Variants in CLPTM1L observed in about 807,000 individuals in gnomAD.
CLPTM1L encodes lipid scramblase CLPTM1L.
In CLPTM1L, 38 loss-of-function variants were observed where a neutral mutation model predicts 70.9. The observed-to-expected ratio is 0.54, with a 90% CI of 0.41 to 0.70. The LOEUF (loss-of-function observed/expected upper bound fraction) is 0.70, where lower values mean the gene tolerates loss of function less well. Among genes scored for constraint, CLPTM1L ranks in the 30% least tolerant of loss-of-function variants. The probability of loss-of-function intolerance (pLI) is 0.00; values close to 1 mark genes in which losing one functional copy is unlikely to be tolerated. For missense variants in CLPTM1L, 652 were observed against 705.9 expected (o/e 0.92, Z 0.87); for synonymous variants, 339 against 299.9 (o/e 1.13, Z -1.35).
chr5:1,328,856 T>TCCAGCTCCTCCTCTACAGACACATTC (rs1561237419), intron 9 of CLPTM1L, among the ~76,000 whole-genome samples: 1 of 143,568 alleles, frequency 7.0e-6, no homozygotes, highest in Admixed American at 7.7e-5. Flanking sequence ...CAGACACATT[T>TCCAGCTCCTCCTCTACAGACACATTC]CATCCAGCTC....
chr5:1,333,662 G>GATGAGGACAAGCGGGAA (rs1561244394), intron 7 of CLPTM1L, among the ~76,000 whole-genome samples: 72 of 97,062 alleles, frequency 7.4e-4, no homozygotes, highest in Admixed American at 9.6e-4. Flanking sequence ...ATACACACCG[G>GATGAGGACAAGCGGGAA]CTGAGGATAA....
chr5:1,319,651 C>G (rs2126715610), intron 16 of CLPTM1L, among the ~76,000 whole-genome samples: 1 of 152,326 alleles, frequency 6.6e-6, no homozygotes, highest in East Asian at 1.9e-4. Context: ...GCCCCAGGCC[C>G]TGAGGGAAGG....
intron 8 of CLPTM1L, chr5:1,330,606 C>T (rs1753023253): frequency 1.9e-6 from 1 of 539,488 alleles, no homozygotes; most frequent in Non-Finnish European, 3.3e-6. Context: ...CCCACACCAG[C>T]TCCACAAACA....
chr5:1,324,538 C>G (rs1481575783), intron 11 of CLPTM1L, among the ~76,000 whole-genome samples: 1 of 152,250 alleles, frequency 6.6e-6, no homozygotes, highest in Non-Finnish European at 1.5e-5. Flanking sequence ...TACGGTGACA[C>G]AGGCAGGCTG....
At chr5:1,332,278 C>T (rs10036860) in intron 7 of CLPTM1L, 5,245 of 192,022 alleles carry the variant, frequency 0.027, 313 homozygotes, top group African/African-American at 0.12. Context: ...GTGGCCCATG[C>T]CTGTGATCCC....
At chr5:1,326,902 G>GACACATTTCATCCAGCTCCTCCTCTACA (rs1752615604) in intron 9 of CLPTM1L, among the ~76,000 whole-genome samples, 2 of 71,680 alleles carry the variant, frequency 2.8e-5, no homozygotes, top group Admixed American at 1.5e-4. Flanking sequence ...CCTCCTCTAC[G>GACACATTTCATCCAGCTCCTCCTCTACA]GACACATTTC....
At chr5:1,321,119 A>G (rs1311611705) in intron 15 of CLPTM1L, among the ~76,000 whole-genome samples, 1 of 152,194 alleles carries the variant, frequency 6.6e-6, no homozygotes, top group Non-Finnish European at 1.5e-5. Flanking sequence ...GAGCCACCTG[A>G]GCATTGCCCT....
At position 1,330,307 on chromosome 5, in the gene CLPTM1L, G is replaced by A; in HGVS notation, c.1053C>T (p.Val351=). 1.2e-6 allele frequency: 2 copies of A among 1,612,822 alleles called. No homozygotes were observed. Among genetic ancestry groups the A allele is most frequent in the South Asian group, 1.1e-5 (1 of 91,078 alleles). Residue 351 remains valine, a synonymous_variant, in exon 9 of 17, where the codon GTC becomes GTT. Transcript: ENST00000320895. ...CAATGGCGGCTCCAACACCCGCCGG[G>A]ACCAGCACCAGCAGGCTCGTCTGCT... ...LDEQTSLLVL[V]PAGVGAAIEL... is the part of the protein sequence containing the mutation.
At chr5:1,326,174 C>T (rs1049407470) in intron 9 of CLPTM1L, 24 of 299,102 alleles carry the variant, frequency 8.0e-5, no homozygotes, top group African/African-American at 8.6e-5. Flanking sequence ...CTCTGAGAGC[C>T]GCCACCTCAT....
chr5:1,341,956 T>G, intron 2 of CLPTM1L, 96 bp from the exon 3 acceptor site: 2 of 1,007,000 alleles, frequency 2.0e-6, no homozygotes, highest in Non-Finnish European at 2.9e-6. Flanking sequence ...AATAAACTAA[T>G]TTTAGCTCAG....
At chr5:1,319,359 G>GGGC (rs1554044905) in intron 16 of CLPTM1L, among the ~76,000 whole-genome samples, 1 of 50 alleles carries the variant, frequency 0.02, no homozygotes, top group Non-Finnish European at 0.031. Flanking sequence ...GCAACAGGGT[G>GGGC]GGGGGGGGCA....
chr5:1,336,264 T>C (rs1753572942), intron 5 of CLPTM1L, among the ~76,000 whole-genome samples: 2 of 152,166 alleles, frequency 1.3e-5, no homozygotes, highest in Admixed American at 6.6e-5. Flanking sequence ...AGCTGCCTGC[T>C]TCCTCTCTCA....
chr5:1,334,667 T>C (rs1279040917), intron 6 of CLPTM1L, among the ~76,000 whole-genome samples: 1 of 151,734 alleles, frequency 6.6e-6, no homozygotes, highest in Non-Finnish European at 1.5e-5. Context: ...GGAACGAGAA[T>C]CGCTTGAATC....
chr5:1,322,351 C>A (rs1478635274), intron 13 of CLPTM1L, among the ~76,000 whole-genome samples: 2 of 152,200 alleles, frequency 1.3e-5, no homozygotes, highest in African/African-American at 4.8e-5. Flanking sequence ...CTGGGGCAGG[C>A]GGGCCTCCCA....
Position 1,338,877 on chromosome 5 carries a change from C to A in CLPTM1L, c.582G>T (p.Val194=), listed in dbSNP as rs1031916492. 6.2e-7 allele frequency: 1 copy of A among 1,613,328 alleles called. No homozygotes were observed. Residue 194 remains valine, a synonymous_variant, in exon 4 of 17, where the codon GTG becomes GTT. Transcript: ENST00000320895. The part of the protein sequence containing the change: ...VFDGSSLPAD[V]HRYMKMIQLG... ...CCACTTACATCTTCATGTACCGATG[C>A]ACATCGGCAGGCAGGGAGGACCCGT... is the stretch of plus-strand genomic sequence containing the variant.
At chr5:1,324,872 G>C in intron 10 of CLPTM1L, 59 bp from the exon 11 acceptor site, 4 of 1,490,366 alleles carry the variant, frequency 2.7e-6, no homozygotes, top group Non-Finnish European at 2.8e-6. Context: ...GAGCACAGCT[G>C]AGCTGTGACT....
chr5:1,327,736 C>T (rs383009), intron 9 of CLPTM1L, among the ~76,000 whole-genome samples: 44,686 of 132,288 alleles, frequency 0.34, 4,477 homozygotes, highest in African/African-American at 0.41. Context: ...TCCAGCTCCT[C>T]CTCTACAGGG....
intron 11 of CLPTM1L, 85 bp from the exon 12 acceptor site, chr5:1,323,954 G>T: frequency 9.3e-7 from 1 of 1,080,494 alleles, no homozygotes; most frequent in Non-Finnish European, 1.4e-6. Flanking sequence ...CCCCGACAGG[G>T]ACAGACAGAA....
At chr5:1,325,028 G>C (rs1379372195) in intron 10 of CLPTM1L, 2 of 600,210 alleles carry the variant, frequency 3.3e-6, no homozygotes, top group East Asian at 2.8e-5. Context: ...CCACAAGCCT[G>C]ATGGGGGCAA....
Sources: allele counts gnomAD v4.1 joint callset (sites outside exome capture counted in the v4.1 genomes callset), GRCh38; gene constraint gnomAD v4.1.1; transcripts MANE v1.5; gene names NCBI Gene and HGNC (gene_info 2026-07-23, HGNC 2026-07-21).